Variants in EPHA3 observed in about 807,000 individuals in gnomAD.
EPHA3 encodes the protein EPH receptor A3, also known as ephrin type-A receptor 3.
EPHA3 carries 42 observed loss-of-function variants against 107.1 expected under a neutral mutation model. The observed-to-expected ratio is 0.39, with a 90% CI of 0.31 to 0.51. The LOEUF (loss-of-function observed/expected upper bound fraction) is 0.51. EPHA3 is among the 20% of genes least tolerant of loss of function. The pLI, the probability that EPHA3 is intolerant of heterozygous loss-of-function variation, is 0.78. For missense variants in EPHA3, 1,183 were observed against 1,211.2 expected (o/e 0.98, Z 0.35); for synonymous variants, 461 against 424.8 (o/e 1.09, Z -1.05).
chr3:89,337,595 G>T (rs967568533), intron 3 of EPHA3, among the ~76,000 whole-genome samples: 14 of 152,194 alleles, frequency 9.2e-5, no homozygotes, highest in African/African-American at 3.4e-4. Flanking sequence ...CGTGGTTAAA[G>T]CCTATCAGCT....
chr3:89,215,118 T>G (rs990770834), intron 3 of EPHA3, among the ~76,000 whole-genome samples: 2 of 151,902 alleles, frequency 1.3e-5, no homozygotes, highest in African/African-American at 2.4e-5. Flanking sequence ...CACCTGACTC[T>G]GGATAGAGCT....
intron 10 of EPHA3, among the ~76,000 whole-genome samples, chr3:89,416,294 T>G (rs939480249): frequency 6.6e-6 from 1 of 151,420 alleles, no homozygotes; most frequent in Non-Finnish European, 1.5e-5. Flanking sequence ...AATCAAGATC[T>G]GGCAGCCATG....
At chr3:89,321,889 T>C (rs919376839) in intron 3 of EPHA3, among the ~76,000 whole-genome samples, 9 of 152,132 alleles carry the variant, frequency 5.9e-5, no homozygotes, top group Non-Finnish European at 1.2e-4. Flanking sequence ...TCTAGTATCA[T>C]GGTATTTAGA....
At chr3:89,242,407 C>T (rs942797864) in intron 3 of EPHA3, among the ~76,000 whole-genome samples, 1 of 152,072 alleles carries the variant, frequency 6.6e-6, no homozygotes, top group Non-Finnish European at 1.5e-5. Context: ...TTAGTATTTT[C>T]TTTTTTGTTG....
chr3:89,467,703 A>T (rs186999205), intron 15 of EPHA3, among the ~76,000 whole-genome samples: 17 of 152,372 alleles, frequency 1.1e-4, no homozygotes, highest in Non-Finnish European at 1.5e-5. Flanking sequence ...CTAATGCAAC[A>T]GTATAAAACC....
At chr3:89,254,282 A>C (rs531752483) in intron 3 of EPHA3, among the ~76,000 whole-genome samples, 43 of 152,166 alleles carry the variant, frequency 2.8e-4, no homozygotes, top group Non-Finnish European at 5.0e-4. Flanking sequence ...GCCTGAAATC[A>C]CTTTACTCTG....
At chr3:89,181,018 TGAA>T (rs1245611728) in intron 2 of EPHA3, among the ~76,000 whole-genome samples, 1 of 152,016 alleles carries the variant, frequency 6.6e-6, no homozygotes, top group Non-Finnish European at 1.5e-5. Flanking sequence ...ACACATAGTA[TGAA>T]AATTTATTTT....
At chr3:89,419,489 G>T (rs555508662) in intron 11 of EPHA3, 99 bp downstream of exon 11, 2 of 1,053,444 alleles carry the variant, frequency 1.9e-6, no homozygotes, top group Non-Finnish European at 2.6e-6. Context: ...TTTTTCATAA[G>T]TATCTCAGTT....
At chr3:89,117,720 G>T (rs78497516) in intron 1 of EPHA3, among the ~76,000 whole-genome samples, 2,152 of 150,442 alleles carry the variant, frequency 0.014, 37 homozygotes, top group African/African-American at 0.048. Context: ...ATTTTTTTTT[G>T]AATTACAAAC....
At chr3:89,127,117 C>T in intron 1 of EPHA3, 92 bp from the exon 2 acceptor site, 1 of 929,822 alleles carries the variant, frequency 1.1e-6, no homozygotes, top group Middle Eastern at 3.1e-4. Context: ...GTTTTTTGAG[C>T]AACATCAACA....
At chr3:89,234,987 C>T (rs1448908406) in intron 3 of EPHA3, among the ~76,000 whole-genome samples, 1 of 139,240 alleles carries the variant, frequency 7.2e-6, no homozygotes, top group Non-Finnish European at 1.6e-5. Flanking sequence ...TTCCCTCCTC[C>T]TTTCTTTTTT....
chr3:89,156,277 G>C, intron 2 of EPHA3, among the ~76,000 whole-genome samples: 1 of 151,926 alleles, frequency 6.6e-6, no homozygotes, highest in East Asian at 1.9e-4. Context: ...TTTGTATCTG[G>C]GTGTTCCTCA....
rs1559689115 is a variant in EPHA3 at position 89,419,267 on chromosome 3, G to A, written c.1951G>A (p.Ala651Thr). 3.1e-6 allele frequency: 5 copies of A among 1,610,388 alleles called. No individual in the cohort carries two copies. Among genetic ancestry groups the A allele is most frequent in the Non-Finnish European group, 4.2e-6 (5 of 1,177,686 alleles). ...KLPSKKEISV[A>T]IKTLKVGYTE... ...TCCTTCAAAAAAAGAGATTTCAGTGGCCATTAAGACCCTGAAAGTTGGCTA... is the reference window on the plus strand; with the variant it reads ...TCCTTCAAAAAAAGAGATTTCAGTGACCATTAAGACCCTGAAAGTTGGCTA... Residue 651 changes from alanine (A) to threonine (T), a missense_variant, in exon 11 of 17, where the codon GCC becomes ACC. Coordinates refer to ENST00000336596, the MANE Select transcript of EPHA3 (RefSeq NM_005233.6).
intron 3 of EPHA3, among the ~76,000 whole-genome samples, chr3:89,279,995 T>A (rs115884482): frequency 1.6e-3 from 242 of 151,870 alleles, no homozygotes; most frequent in African/African-American, 5.8e-3. Flanking sequence ...GAGTTATTGA[T>A]CACAATGTTT....
At chr3:89,231,165 A>G (rs1228897132) in intron 3 of EPHA3, among the ~76,000 whole-genome samples, 1 of 152,104 alleles carries the variant, frequency 6.6e-6, no homozygotes. Flanking sequence ...TGACACAATT[A>G]ATTTTCTGTC....
At position 89,399,918 on chromosome 3, in the gene EPHA3, G is replaced by T. The variant is rs898946643; in HGVS notation, c.1594+438G>T. 1.2e-5 allele frequency: 13 copies of T among 1,056,774 alleles called. No individual in the cohort carries two copies. In the South Asian group the frequency reaches 2.7e-4, roughly 22 times the overall value. 65.5% of individuals were successfully genotyped at this position (1,056,774 alleles called of 1,614,324 possible). ...CACATTCAATAGCATATCACAGAGAGAATAAGGATTTTCTAAAATGTGTTT... is the reference window on the plus strand; with the variant it reads ...CACATTCAATAGCATATCACAGAGATAATAAGGATTTTCTAAAATGTGTTT... On this transcript the variant is annotated intron_variant, in intron 7 of 16. Transcript: ENST00000336596.
At chr3:89,135,636 C>A (rs189609860) in intron 2 of EPHA3, among the ~76,000 whole-genome samples, 10 of 150,940 alleles carry the variant, frequency 6.6e-5, no homozygotes, top group East Asian at 5.8e-4. Flanking sequence ...TATATATAAA[C>A]GCATATATCT....
At chr3:89,217,403 A>G (rs1704245285) in intron 3 of EPHA3, among the ~76,000 whole-genome samples, 1 of 151,888 alleles carries the variant, frequency 6.6e-6, no homozygotes, top group Admixed American at 6.6e-5. Flanking sequence ...GGTCGTTAAA[A>G]AAACAAAAAC....
At chr3:89,217,569 G>A (rs1576239121) in intron 3 of EPHA3, among the ~76,000 whole-genome samples, 1 of 152,034 alleles carries the variant, frequency 6.6e-6, no homozygotes, top group East Asian at 1.9e-4. Context: ...GATTCCAAAG[G>A]CGAGTCATTG....
Sources: gnomAD v4.1 joint callset for allele counts (sites outside exome capture counted in the v4.1 genomes callset) on GRCh38, gnomAD v4.1.1 for gene constraint, MANE v1.5 for transcripts, NCBI Gene and HGNC (gene_info 2026-07-23, HGNC 2026-07-21) for gene names.